Variants in ATPAF1 observed in about 807,000 individuals in gnomAD.
The protein encoded by ATPAF1 is homolog of yeast ATP11.
ATPAF1 carries 26 observed loss-of-function variants against 43.9 expected under a neutral mutation model. The observed-to-expected ratio is 0.59, with a 90% CI of 0.43 to 0.82. ATPAF1 has a LOEUF of 0.82. ATPAF1 is among the 40% of genes least tolerant of loss of function. The probability of loss-of-function intolerance (pLI) is 0.00; values close to 1 mark genes in which losing one functional copy is unlikely to be tolerated. For missense variants in ATPAF1, 366 were observed against 435.0 expected (o/e 0.84, Z 1.41); for synonymous variants, 157 against 168.0 (o/e 0.93, Z 0.50).
At chr1:46,646,714 A>C (rs1676050969) in intron 6 of ATPAF1, among the ~76,000 whole-genome samples, 1 of 152,242 alleles carries the variant, frequency 6.6e-6, no homozygotes, top group Non-Finnish European at 1.5e-5. Context: ...TACTTGAAAT[A>C]CAACAAAGTG....
chr1:46,659,325 G>C (rs1676339796), intron 2 of ATPAF1, among the ~76,000 whole-genome samples: 1 of 152,118 alleles, frequency 6.6e-6, no homozygotes, highest in Non-Finnish European at 1.5e-5. Flanking sequence ...AGTACTGAGA[G>C]TCCATTCTCC....
At chr1:46,659,208 A>T (rs1676337325) in intron 2 of ATPAF1, among the ~76,000 whole-genome samples, 1 of 152,168 alleles carries the variant, frequency 6.6e-6, no homozygotes, top group South Asian at 2.1e-4. Context: ...AAAATAAATA[A>T]ATAAAAAGAA....
chr1:46,662,158 T>C (rs930238984), intron 2 of ATPAF1, among the ~76,000 whole-genome samples: 1 of 152,018 alleles, frequency 6.6e-6, no homozygotes, highest in Non-Finnish European at 1.5e-5. Context: ...CCTCCCAAAG[T>C]GCTGGCATTA....
exon 9 of ATPAF1, chr1:46,635,569 T>G (rs1321549701): frequency 1.8e-6 from 1 of 553,598 alleles, no homozygotes; most frequent in Non-Finnish European, 3.2e-6. Context: ...TCAAGTATGC[T>G]GAGATAATTA....
At chr1:46,656,058 A>G (rs574579001) in intron 4 of ATPAF1, among the ~76,000 whole-genome samples, 1 of 152,360 alleles carries the variant, frequency 6.6e-6, no homozygotes, top group East Asian at 1.9e-4. Context: ...GTGAAATAAT[A>G]AGAAACATGT....
At chr1:46,632,961 T>C (rs867249745), downstream of ATPAF1, 2 of 152,644 alleles carry the variant, frequency 1.3e-5, no homozygotes, top group Admixed American at 1.3e-4. Flanking sequence ...AAATATCCTA[T>C]AGTTAGCATC....
At chr1:46,643,167 CAA>C (rs1675979665) in intron 8 of ATPAF1, 25 bp downstream of exon 8, 2 of 1,581,042 alleles carry the variant, frequency 1.3e-6, no homozygotes, top group Non-Finnish European at 1.7e-6. Flanking sequence ...GAGGTAAATC[CAA>C]AGAGTTTTGC....
chr1:46,648,397 C>T (rs1182504269), intron 6 of ATPAF1, among the ~76,000 whole-genome samples: 1 of 152,094 alleles, frequency 6.6e-6, no homozygotes, highest in Non-Finnish European at 1.5e-5. Context: ...CATGCGTGAG[C>T]CACCACACCC....
At chr1:46,638,969 C>A (rs1675897139) in intron 8 of ATPAF1, among the ~76,000 whole-genome samples, 1 of 152,160 alleles carries the variant, frequency 6.6e-6, no homozygotes. Flanking sequence ...CTCTTTCCTC[C>A]ATCTCTATAC....
At chr1:46,650,810 T>TAA (rs762613823) in intron 6 of ATPAF1, among the ~76,000 whole-genome samples, 13 of 122,166 alleles carry the variant, frequency 1.1e-4, no homozygotes, top group African/African-American at 1.5e-4. Flanking sequence ...TGTTGGAAGC[T>TAA]AAAAAAAAAA....
intron 2 of ATPAF1, among the ~76,000 whole-genome samples, chr1:46,663,252 T>C (rs1676428285): frequency 6.6e-6 from 1 of 152,240 alleles, no homozygotes; most frequent in Non-Finnish European, 1.5e-5. Flanking sequence ...TACATGTGCA[T>C]GTGTCTTTAT....
At chr1:46,659,047 T>C (rs41297889) in intron 2 of ATPAF1, among the ~76,000 whole-genome samples, 2 of 151,904 alleles carry the variant, frequency 1.3e-5, no homozygotes, top group Non-Finnish European at 2.9e-5. Context: ...AAAAATTAGC[T>C]GGGCATAGTG....
chr1:46,643,324 A>G (rs1384128177), intron 7 of ATPAF1, 23 bp from the exon 8 acceptor site: 1 of 1,543,922 alleles, frequency 6.5e-7, no homozygotes, highest in South Asian at 1.1e-5. Flanking sequence ...ACACTTATCA[A>G]GGCTCAATAA....
chr1:46,651,672 AC>A (rs1423173859), intron 6 of ATPAF1, among the ~76,000 whole-genome samples: 1 of 152,132 alleles, frequency 6.6e-6, no homozygotes, highest in Non-Finnish European at 1.5e-5. Flanking sequence ...TTGTTTCCTG[AC>A]TTTTTAATGA....
chr1:46,647,504 AC>A (rs1676066594), intron 6 of ATPAF1, among the ~76,000 whole-genome samples: 1 of 32,934 alleles, frequency 3.0e-5, no homozygotes, highest in African/African-American at 1.6e-4. Flanking sequence ...ATACACACAT[AC>A]ACACACACAC....
chr1:46,651,105 C>T (rs1676158771), intron 6 of ATPAF1, among the ~76,000 whole-genome samples: 1 of 152,004 alleles, frequency 6.6e-6, no homozygotes, highest in Non-Finnish European at 1.5e-5. Context: ...CCCACTAACT[C>T]GTCATCTAGC....
intron 2 of ATPAF1, among the ~76,000 whole-genome samples, chr1:46,659,159 C>A (rs1676336088): frequency 6.6e-6 from 1 of 151,934 alleles, no homozygotes. Context: ...CCACTGCACT[C>A]TAGCCCGGGC....
chr1:46,666,532 G>C (rs1241367950), intron 1 of ATPAF1, among the ~76,000 whole-genome samples: 1 of 152,240 alleles, frequency 6.6e-6, no homozygotes, highest in Non-Finnish European at 1.5e-5. Flanking sequence ...CAGTGGGAGA[G>C]ACAGGCATAA....
chr1:46,662,080 G>A (rs999336308), intron 2 of ATPAF1, among the ~76,000 whole-genome samples: 1 of 151,846 alleles, frequency 6.6e-6, no homozygotes, highest in Non-Finnish European at 1.5e-5. Flanking sequence ...ATTTTTAGTA[G>A]AGAAGGGGTT....
Sources: gnomAD v4.1 joint callset for allele counts (sites outside exome capture counted in the v4.1 genomes callset) on GRCh38, gnomAD v4.1.1 for gene constraint, MANE v1.5 for transcripts, NCBI Gene and HGNC (gene_info 2026-07-23, HGNC 2026-07-21) for gene names.